DPP6: variants seen among roughly 807,000 people sequenced by gnomAD.
DPP6 encodes A-type potassium channel modulatory protein DPP6.
DPP6 carries 69 observed loss-of-function variants against 122.6 expected under a neutral mutation model. The ratio of observed to expected loss-of-function variants is 0.56; its 90% CI spans 0.46 to 0.69. DPP6 has a LOEUF of 0.69. Ranked by LOEUF, DPP6 falls within the 30% of genes least tolerant of loss-of-function variation. The pLI, the probability that DPP6 is intolerant of heterozygous loss-of-function variation, is 0.00. For synonymous variants in DPP6, 418 were observed against 433.1 expected (o/e 0.97, Z 0.43); for missense variants, 928 against 1,116.9 (o/e 0.83, Z 2.41).
intron 1 of DPP6, among the ~76,000 whole-genome samples, chr7:154,114,932 C>T (rs1241977700): frequency 6.6e-6 from 1 of 152,124 alleles, no homozygotes; most frequent in Non-Finnish European, 1.5e-5. Context: ...AGGCATGAGG[C>T]AGGAGTGGAG....
the DPP6 span, among the ~76,000 whole-genome samples, chr7:153,827,830 G>A: frequency 0.023 from 3,560 of 152,246 alleles, 133 homozygotes; most frequent in African/African-American, 0.08. Context: ...TGCGCTCCCC[G>A]TGGTGTCAAT....
chr7:154,639,759 G>T (rs1238078549), intron 6 of DPP6, among the ~76,000 whole-genome samples: 1 of 152,136 alleles, frequency 6.6e-6, no homozygotes, highest in Non-Finnish European at 1.5e-5. Flanking sequence ...GCTGCTTCTG[G>T]TGTCTTTAAT....
intron 1 of DPP6, among the ~76,000 whole-genome samples, chr7:154,328,828 C>T (rs1266242848): frequency 6.6e-6 from 1 of 151,994 alleles, no homozygotes; most frequent in East Asian, 1.9e-4. Context: ...TTGACAGACA[C>T]AGTGTGGGTG....
chr7:154,275,229 G>A lies in DPP6; in HGVS notation c.244-170985G>A, dbSNP rs530122110. 1.4e-4 allele frequency among the ~76,000 whole-genome samples: 22 copies of A among 152,360 alleles called. No homozygotes were observed. The South Asian group carries it at 3.9e-3, about 27-fold the overall frequency. On this transcript the variant is annotated intron_variant, in intron 1 of 25. Coordinates refer to ENST00000377770, the MANE Select transcript of DPP6 (RefSeq NM_130797.4). Reference sequence around the variant, plus strand: ...GCCTCCTTTCCCCAGCAGCAGCTCTGAAGGATGGCCTACCTGCTCCTAGAG... The same window carrying A: ...GCCTCCTTTCCCCAGCAGCAGCTCTAAAGGATGGCCTACCTGCTCCTAGAG...
chr7:154,527,509 T>C (rs774572104), intron 3 of DPP6, among the ~76,000 whole-genome samples: 3 of 152,184 alleles, frequency 2.0e-5, no homozygotes, highest in Non-Finnish European at 4.4e-5. Flanking sequence ...TATCAGAACA[T>C]ACATAAATAC....
At chr7:154,884,383 TCATA>T (rs1805890801) in intron 21 of DPP6, 1 of 139,640 alleles carries the variant, frequency 7.2e-6, no homozygotes, top group South Asian at 2.3e-4. Context: ...ATACACCTGC[TCATA>T]CACACACACA....
chr7:154,390,532 T>C (rs183219409), intron 1 of DPP6, among the ~76,000 whole-genome samples: 1 of 152,286 alleles, frequency 6.6e-6, no homozygotes, highest in East Asian at 1.9e-4. Flanking sequence ...GCAGATGTTT[T>C]AAATAGATGT....
chr7:154,383,210 A>G (rs954018636), intron 1 of DPP6, among the ~76,000 whole-genome samples: 7 of 152,244 alleles, frequency 4.6e-5, no homozygotes, highest in Non-Finnish European at 7.3e-5. Context: ...AACTATTAAT[A>G]TATAACAGGC....
chr7:154,775,605 G>A (rs1022266808), intron 10 of DPP6, among the ~76,000 whole-genome samples: 6 of 152,166 alleles, frequency 3.9e-5, no homozygotes, highest in East Asian at 1.9e-4. Context: ...TAGAACCATC[G>A]AGAAGCTAGT....
At chr7:154,234,051 A>C (rs1801060508) in intron 1 of DPP6, among the ~76,000 whole-genome samples, 2 of 152,228 alleles carry the variant, frequency 1.3e-5, no homozygotes, top group South Asian at 4.1e-4. Context: ...CTATTCAGTC[A>C]GCTATGGAAA....
chr7:154,331,467 G>A (rs1175431126), intron 1 of DPP6, among the ~76,000 whole-genome samples: 1 of 152,140 alleles, frequency 6.6e-6, no homozygotes, highest in Admixed American at 6.5e-5. Context: ...TTGTAAATGA[G>A]CCACTCAGGC....
intron 6 of DPP6, among the ~76,000 whole-genome samples, chr7:154,662,909 C>T (rs1476162034): frequency 4.9e-5 from 3 of 60,680 alleles, no homozygotes; most frequent in African/African-American, 8.4e-5. Flanking sequence ...GCATATTCGC[C>T]GTAGTGTTCA....
chr7:153,904,179 G>A (rs1303012461), intron 1 of DPP6, among the ~76,000 whole-genome samples: 1 of 152,018 alleles, frequency 6.6e-6, no homozygotes, highest in African/African-American at 2.4e-5. Flanking sequence ...AGCCTCCCAA[G>A]TAGCTGGGAC....
intron 2 of DPP6, among the ~76,000 whole-genome samples, chr7:154,447,670 C>G (rs1820004225): frequency 6.6e-6 from 1 of 152,064 alleles, no homozygotes; most frequent in East Asian, 1.9e-4. Flanking sequence ...ATATAAAACT[C>G]TTCAACAAAA....
chr7:153,839,273 T>C, the DPP6 span, among the ~76,000 whole-genome samples: 1 of 152,254 alleles, frequency 6.6e-6, no homozygotes, highest in Non-Finnish European at 1.5e-5. Flanking sequence ...AATTTGACAA[T>C]TGTCATCTTT....
intron 1 of DPP6, among the ~76,000 whole-genome samples, chr7:154,075,299 A>G (rs1356311388): frequency 1.3e-5 from 2 of 152,160 alleles, no homozygotes; most frequent in African/African-American, 4.8e-5. Flanking sequence ...CCACCCCACT[A>G]CTGTGTATCT....
chr7:154,528,219 G>T (rs907747528), intron 3 of DPP6, among the ~76,000 whole-genome samples: 5 of 152,118 alleles, frequency 3.3e-5, no homozygotes, highest in African/African-American at 9.7e-5. Context: ...ATCTGACATT[G>T]TATGTTTCTT....
intron 1 of DPP6, among the ~76,000 whole-genome samples, chr7:154,078,350 GTA>G (rs1803718809): frequency 3.2e-5 from 2 of 63,488 alleles, no homozygotes. Context: ...CAGTGCATAT[GTA>G]CACACACACA....
chr7:154,600,130 T>A (rs898711195), intron 5 of DPP6, among the ~76,000 whole-genome samples: 2 of 152,098 alleles, frequency 1.3e-5, no homozygotes, highest in Non-Finnish European at 2.9e-5. Flanking sequence ...TTATGTAACT[T>A]CCTTTTTTCT....
Sources: gnomAD v4.1 joint callset for allele counts (sites outside exome capture counted in the v4.1 genomes callset) on GRCh38, gnomAD v4.1.1 for gene constraint, MANE v1.5 for transcripts, NCBI Gene and HGNC (gene_info 2026-07-23, HGNC 2026-07-21) for gene names.